MYT1L: variants seen among roughly 807,000 people sequenced by gnomAD.
The protein encoded by MYT1L is myelin transcription factor 1 like, also known as myelin transcription factor 1-like protein.
MYT1L carries 12 observed loss-of-function variants against 126.7 expected under a neutral mutation model. The observed-to-expected ratio is 0.09, with a 90% confidence interval of 0.06 to 0.15. The LOEUF is 0.15. Ranked by LOEUF, MYT1L falls within the 10% of genes least tolerant of loss-of-function variation. The pLI, the probability that MYT1L is intolerant of heterozygous loss-of-function variation, is 1.00. For missense variants in MYT1L, 979 were observed against 1,585.2 expected (o/e 0.62, Z 6.49); for synonymous variants, 541 against 604.2 (o/e 0.90, Z 1.53).
chr2:2,327,906 A>C, intron 1 of MYT1L, among the ~76,000 whole-genome samples: 1 of 152,334 alleles, frequency 6.6e-6, no homozygotes, highest in Non-Finnish European at 1.5e-5. Context: ...TATAACAAGT[A>C]AACAAAGTCT....
intron 18 of MYT1L, among the ~76,000 whole-genome samples, chr2:1,860,094 G>A (rs1251170736): frequency 6.6e-6 from 1 of 152,206 alleles, no homozygotes; most frequent in Non-Finnish European, 1.5e-5. Context: ...ACTGCGAACC[G>A]CTGCAGGGCC....
intron 2 of MYT1L, among the ~76,000 whole-genome samples, chr2:2,185,906 G>A (rs1224155712): frequency 1.7e-5 from 2 of 117,822 alleles, no homozygotes; most frequent in African/African-American, 7.9e-5. Flanking sequence ...CGGGCCTTCC[G>A]GGCCTTCCCA....
intron 3 of MYT1L, among the ~76,000 whole-genome samples, chr2:2,171,610 T>C (rs933612166): frequency 6.6e-6 from 1 of 151,416 alleles, no homozygotes; most frequent in Admixed American, 6.6e-5. Flanking sequence ...TTTGTTTTTT[T>C]CTTTTTGTCG....
At position 2,228,971 on chromosome 2, in the gene MYT1L, C is replaced by T. The variant is rs1465388; in HGVS notation, c.-421+55433G>A. 6.6e-6 allele frequency among the ~76,000 whole-genome samples: 1 copy of T among 151,964 alleles called. No individual in the cohort carries two copies. Among genetic ancestry groups the T allele is most frequent in the African/African-American group, 2.4e-5 (1 of 41,396 alleles). On this transcript the variant is annotated intron_variant, in intron 2 of 24. Coordinates refer to ENST00000647738, the MANE Select transcript of MYT1L (RefSeq NM_001303052.2). This position sits in a 1 kb window ranked among gnomAD's most constrained non-coding sequence, Gnocchi z 5.9. ...GAAGTGAAACACGGGGGTCTTCCAA[C>T]GTATCCAGCTGAGCTCCTGGCTCCG...
intron 3 of MYT1L, among the ~76,000 whole-genome samples, chr2:2,095,202 C>G (rs115516866): frequency 0.029 from 4,477 of 152,256 alleles, 106 homozygotes; most frequent in Non-Finnish European, 0.044. Context: ...CTGAGTTTCC[C>G]GTTAGTCCCT....
At chr2:2,235,231 T>C (rs1188914211) in intron 2 of MYT1L, among the ~76,000 whole-genome samples, 3 of 152,040 alleles carry the variant, frequency 2.0e-5, no homozygotes, top group African/African-American at 7.3e-5. Flanking sequence ...CTTAGAGGCG[T>C]GTGTATAGAG....
At chr2:2,190,367 A>G (rs981568210) in intron 2 of MYT1L, among the ~76,000 whole-genome samples, 2 of 151,946 alleles carry the variant, frequency 1.3e-5, no homozygotes, top group African/African-American at 4.8e-5. Flanking sequence ...AGGCAGGAGG[A>G]TCACTTGAGC....
rs539066969 is a variant in MYT1L, at chr2:2,182,564, A to G, written c.-420-9576T>C. Among the ~76,000 whole-genome samples the G allele has an allele frequency of 7.2e-4, 109 of 152,308 alleles. 1 individual carries two copies. The highest frequency in any genetic ancestry group is 1.1e-3 in the Non-Finnish European group (75 of 68,032). On this transcript the variant is annotated intron_variant, in intron 2 of 24. Transcript: ENST00000647738. ...TTCACAAGGAAGAAAGCCAGACAGT[A>G]GCAATTGCCTGGATTTGGATGGAGG...
At chr2:1,883,041 A>T (rs764652647) in intron 18 of MYT1L, among the ~76,000 whole-genome samples, 16 of 152,306 alleles carry the variant, frequency 1.1e-4, no homozygotes, top group Non-Finnish European at 1.9e-4. Context: ...AGGCCAAGGG[A>T]CCAAAAGTAC....
intron 5 of MYT1L, among the ~76,000 whole-genome samples, chr2:1,990,633 G>A (rs894964539): frequency 2.0e-5 from 3 of 152,156 alleles, no homozygotes; most frequent in Non-Finnish European, 4.4e-5. Context: ...GGGGTGTCTC[G>A]ATGACACATG....
intron 9 of MYT1L, among the ~76,000 whole-genome samples, chr2:1,924,125 A>AATGTGTGAG (rs1456897860): frequency 2.0e-5 from 3 of 152,348 alleles, no homozygotes; most frequent in Admixed American, 2.0e-4. Flanking sequence ...GTGAGCGGGT[A>AATGTGTGAG]TAATGTGTGA....
intron 1 of MYT1L, among the ~76,000 whole-genome samples, chr2:2,289,353 A>G (rs1447806291): frequency 6.6e-6 from 1 of 152,238 alleles, no homozygotes; most frequent in Non-Finnish European, 1.5e-5. Context: ...TTTCAAGCAT[A>G]CTAGTAGTAT....
chr2:1,941,607 C>T (rs1377785127), intron 9 of MYT1L, among the ~76,000 whole-genome samples: 1 of 152,120 alleles, frequency 6.6e-6, no homozygotes, highest in Admixed American at 6.6e-5. Flanking sequence ...CTTCTCTACC[C>T]AGCATTCTAC....
At chr2:2,080,177 T>G (rs2075665138) in intron 3 of MYT1L, among the ~76,000 whole-genome samples, 1 of 152,130 alleles carries the variant, frequency 6.6e-6, no homozygotes. Context: ...ACGCAAAATG[T>G]ATCAAAGGCC....
At chr2:1,812,589 G>C (rs2036838773) in intron 21 of MYT1L, among the ~76,000 whole-genome samples, 1 of 152,096 alleles carries the variant, frequency 6.6e-6, no homozygotes, top group African/African-American at 2.4e-5. Context: ...GTTAAGAGAA[G>C]ACTCTTAGCC....
At chr2:2,172,242 C>T (rs1055806299) in intron 3 of MYT1L, among the ~76,000 whole-genome samples, 10 of 152,228 alleles carry the variant, frequency 6.6e-5, no homozygotes, top group Middle Eastern at 3.4e-3. Context: ...ACCCCACATG[C>T]TTTACTAACC....
intron 21 of MYT1L, among the ~76,000 whole-genome samples, chr2:1,831,673 C>A (rs774068258): frequency 3.3e-5 from 5 of 152,182 alleles, no homozygotes; most frequent in Non-Finnish European, 7.3e-5. Flanking sequence ...TCCGCCACAC[C>A]GGCCTCTCGC....
intron 2 of MYT1L, among the ~76,000 whole-genome samples, chr2:2,268,633 C>T (rs541646642): frequency 5.3e-5 from 8 of 152,144 alleles, no homozygotes; most frequent in African/African-American, 1.9e-4. Flanking sequence ...AACTGGAAAA[C>T]CACGCCAGGA....
chr2:2,233,837 C>T (rs2094218367), intron 2 of MYT1L, among the ~76,000 whole-genome samples: 1 of 152,168 alleles, frequency 6.6e-6, no homozygotes, highest in African/African-American at 2.4e-5. Context: ...AGCTCGTGGC[C>T]TTTAACTATG....
Sources: allele counts gnomAD v4.1 joint callset (sites outside exome capture counted in the v4.1 genomes callset), GRCh38; gene constraint gnomAD v4.1.1; non-coding constraint Gnocchi (gnomAD v3.1); transcripts MANE v1.5; gene names NCBI Gene and HGNC (gene_info 2026-07-23, HGNC 2026-07-21).